DAW1: variants seen among roughly 807,000 people sequenced by gnomAD.
DAW1 encodes the protein dynein assembly factor with WD repeat domains 1.
A neutral mutation model predicts 56.5 loss-of-function variants in DAW1; 47 were observed. That is an observed-to-expected ratio of 0.83 (90% CI 0.66 to 1.06). The LOEUF is 1.06. DAW1 is among the 50% of genes least tolerant of loss of function. The pLI, the probability that DAW1 is intolerant of heterozygous loss-of-function variation, is 0.00. For missense variants in DAW1, 505 were observed against 499.3 expected (o/e 1.01, Z -0.11); for synonymous variants, 190 against 179.0 (o/e 1.06, Z -0.49).
intron 10 of DAW1, among the ~76,000 whole-genome samples, chr2:227,914,044 G>A (rs1659987164): frequency 6.6e-6 from 1 of 151,270 alleles, no homozygotes; most frequent in Admixed American, 6.6e-5. Flanking sequence ...TGTTCCTAAA[G>A]GCCTTTATAA....
intron 10 of DAW1, among the ~76,000 whole-genome samples, chr2:227,916,859 CTG>C (rs1358211306): frequency 6.6e-6 from 1 of 152,264 alleles, no homozygotes; most frequent in African/African-American, 2.4e-5. Flanking sequence ...ATTCTGACTC[CTG>C]TGTAGATACT....
intron 10 of DAW1, among the ~76,000 whole-genome samples, chr2:227,908,146 G>A (rs1004888364): frequency 4.2e-4 from 64 of 152,158 alleles, no homozygotes; most frequent in Admixed American, 4.2e-3. Flanking sequence ...GCTCACATGT[G>A]ACATGATATT....
At chr2:227,903,580 T>C (rs1372735069) in intron 7 of DAW1, among the ~76,000 whole-genome samples, 2 of 152,144 alleles carry the variant, frequency 1.3e-5, no homozygotes, top group African/African-American at 4.8e-5. Context: ...GTGAGTGCTG[T>C]GGGGCATGCT....
At chr2:227,917,291 T>TG (rs1691978121) in intron 10 of DAW1, among the ~76,000 whole-genome samples, 1 of 151,454 alleles carries the variant, frequency 6.6e-6, no homozygotes, top group African/African-American at 2.4e-5. Flanking sequence ...GATGGAGTCT[T>TG]GCTCTTTCGC....
intron 1 of DAW1, 124 bp downstream of exon 1, chr2:227,871,853 C>A: frequency 8.0e-7 from 1 of 1,246,770 alleles, no homozygotes. Flanking sequence ...GGCAGGAAGT[C>A]GGGCACTTCC....
intron 10 of DAW1, among the ~76,000 whole-genome samples, chr2:227,911,375 T>TATATATTATATATATATATTAC (rs2106210703): frequency 1.3e-5 from 2 of 148,394 alleles, no homozygotes; most frequent in South Asian, 4.2e-4. Context: ...TACATGATTA[T>TATATATTATATATATATATTAC]ATATATTATA....
chr2:227,878,809 ATTTTTTT>A (rs61488173), intron 1 of DAW1, among the ~76,000 whole-genome samples: 2 of 138,084 alleles, frequency 1.4e-5, no homozygotes. Flanking sequence ...TTTAAATTTA[ATTTTTTT>A]TTTTTTTTTT....
intron 1 of DAW1, among the ~76,000 whole-genome samples, chr2:227,882,524 T>C (rs1279867534): frequency 1.3e-5 from 2 of 152,234 alleles, no homozygotes; most frequent in Non-Finnish European, 2.9e-5. Flanking sequence ...TAGCAAAATA[T>C]TAACATAGGA....
Position 227,924,043 on chromosome 2 carries a change from T to C in DAW1, c.*75T>C. The stretch of plus-strand genomic sequence containing the variant: ...ACTGGAACTTCACAGACAGCAGCTC[T>C]CTTAATATTTCTTATACTTTCTCTT... On this transcript the variant is annotated 3_prime_UTR_variant, in exon 13 of 13. Coordinates refer to ENST00000309931, the MANE Select transcript of DAW1 (RefSeq NM_178821.3). 2 of 1,506,874 alleles carry C rather than the reference T, an allele frequency of 1.3e-6. No homozygotes were observed. Among genetic ancestry groups the C allele is most frequent in the Non-Finnish European group, 1.8e-6 (2 of 1,093,936 alleles). 93.3% of individuals were successfully genotyped at this position (1,506,874 alleles called of 1,614,324 possible). A position where few individuals can be genotyped will look rare whatever the true frequency, so the allele number is the denominator to read the frequency against.
intron 7 of DAW1, 45 bp from the exon 8 acceptor site, chr2:227,904,884 T>G: frequency 6.6e-7 from 1 of 1,514,018 alleles, no homozygotes; most frequent in Non-Finnish European, 9.1e-7. Context: ...TTGCAGAAAT[T>G]GTTTTATCTG....
intron 3 of DAW1, among the ~76,000 whole-genome samples, chr2:227,890,404 A>G (rs79109369): frequency 0.046 from 6,934 of 152,210 alleles, 573 homozygotes; most frequent in African/African-American, 0.16. Flanking sequence ...ATTTATTTGT[A>G]TGACATATAA....
chr2:227,890,023 G>A (rs765453627), intron 3 of DAW1, 23 bp downstream of exon 3: 15 of 1,491,026 alleles, frequency 1.0e-5, no homozygotes, highest in Non-Finnish European at 1.2e-5. Context: ...AAAACAATCA[G>A]ATAGAAGAAT....
At chr2:227,906,019 T>C (rs1290778852) in intron 8 of DAW1, among the ~76,000 whole-genome samples, 1 of 152,118 alleles carries the variant, frequency 6.6e-6, no homozygotes, top group Non-Finnish European at 1.5e-5. Flanking sequence ...CCTCACAGAG[T>C]GCTGGGGTTA....
intron 10 of DAW1, among the ~76,000 whole-genome samples, chr2:227,909,232 TTATCTATC>T (rs3057690): frequency 0.05 from 6,939 of 138,842 alleles, 232 homozygotes; most frequent in Middle Eastern, 0.099. Context: ...GGTGGTGATA[TTATCTATC>T]TATCTATCTA....
At chr2:227,893,733 A>T in intron 4 of DAW1, 62 bp from the exon 5 acceptor site, 1 of 1,557,388 alleles carries the variant, frequency 6.4e-7, no homozygotes. Flanking sequence ...CAGGTAAAAC[A>T]TGAAGTCTTT....
intron 6 of DAW1, among the ~76,000 whole-genome samples, chr2:227,898,726 C>A (rs1012502427): frequency 6.6e-6 from 1 of 151,948 alleles, no homozygotes; most frequent in Non-Finnish European, 1.5e-5. Flanking sequence ...TTTTAGTCTG[C>A]CTATATTTAT....
intron 11 of DAW1, 94 bp from the exon 12 acceptor site, chr2:227,921,305 C>CTTTTTTTTTTTTTTTTTTTT (rs556409280): frequency 2.3e-6 from 1 of 433,768 alleles, no homozygotes; most frequent in African/African-American, 4.3e-5. Flanking sequence ...CTGTAATGTC[C>CTTTTTTTTTTTTTTTTTTTT]TTTTTTTTTT....
chr2:227,871,854 G>T, intron 1 of DAW1, 125 bp downstream of exon 1: 1 of 1,250,672 alleles, frequency 8.0e-7, no homozygotes, highest in Non-Finnish European at 1.1e-6. Flanking sequence ...GCAGGAAGTC[G>T]GGCACTTCCC....
rs755017069 is a variant in DAW1, at chr2:227,889,836, C to A, written c.114-20C>A. The A allele has an allele frequency of 3.9e-6, 6 of 1,540,720 alleles. No individual in the cohort carries two copies. Among genetic ancestry groups the A allele is most frequent in the Non-Finnish European group, 4.3e-6 (5 of 1,151,822 alleles). On this transcript the variant is annotated intron_variant, in intron 2 of 12. Coordinates refer to ENST00000309931, the MANE Select transcript of DAW1 (RefSeq NM_178821.3). ...ATTTTGACATAAAATAAAAGAAACT[C>A]TTTTTTGGGTGTATTTCAGCACTGA...
Sources: allele counts gnomAD v4.1 joint callset (sites outside exome capture counted in the v4.1 genomes callset), GRCh38; gene constraint gnomAD v4.1.1; transcripts MANE v1.5; gene names NCBI Gene and HGNC (gene_info 2026-07-23, HGNC 2026-07-21).